Variants in ATAD3B observed in about 807,000 individuals in gnomAD.
ATAD3B encodes the protein ATPase family AAA domain-containing protein 3B.
In ATAD3B, 59 loss-of-function variants were observed where a neutral mutation model predicts 70.2. The ratio of observed to expected loss-of-function variants is 0.84; its 90% CI spans 0.68 to 1.04. ATAD3B has a LOEUF of 1.04. ATAD3B is among the 50% of genes least tolerant of loss of function. The pLI is 0.00. For missense variants in ATAD3B, 961 were observed against 913.4 expected (o/e 1.05, Z -0.67); for synonymous variants, 423 against 388.6 (o/e 1.09, Z -1.04).
intron 1 of ATAD3B, among the ~76,000 whole-genome samples, chr1:1,476,390 G>C (rs900074003): frequency 6.6e-6 from 1 of 151,246 alleles, no homozygotes; most frequent in African/African-American, 2.4e-5. Context: ...CGTGTTTGCT[G>C]CAGTTGACTC....
downstream of ATAD3B, among the ~76,000 whole-genome samples, chr1:1,500,369 G>A (rs543029346): frequency 2.8e-4 from 42 of 149,186 alleles, no homozygotes; most frequent in East Asian, 7.5e-3. Context: ...TGGATAACAC[G>A]GTGAAACCCC....
rs548421990 is a variant in ATAD3B, at chr1:1,488,834, CT to C, written c.1267-361del. Among the ~76,000 whole-genome samples the C allele has an allele frequency of 5.1e-3, 770 of 150,944 alleles. 11 individuals are homozygous for C. The highest frequency in any genetic ancestry group is 9.9e-3 in the Admixed American group (149 of 15,114). On this transcript the variant is annotated intron_variant, in intron 12 of 15. Transcript: ENST00000673477. ...TTAAAGATGTGAGCCCTCAGTCAGG[CT>C]TTTTTTTTAAATGTATTTTTTATTT...
At position 1,486,175 on chromosome 1, in the gene ATAD3B, C is replaced by A; in HGVS notation, c.1029C>A (p.Gly343=). ...IATRNTKKNR[G]LYRHILLYGP... is the part of the protein sequence containing the mutation. ...CCAGGAACACCAAGAAGAACCGGGG[C>A]CTGTACAGGCACATCCTGCTGTATG... Residue 343 remains glycine (G), a synonymous_variant, in exon 10 of 16, where the codon GGC becomes GGA. Coordinates refer to ENST00000673477, the MANE Select transcript of ATAD3B (RefSeq NM_031921.6). The A allele has an allele frequency of 1.2e-6, 2 of 1,613,246 alleles. 1 individual carries two copies. The highest frequency in any genetic ancestry group is 1.7e-6 in the Non-Finnish European group (2 of 1,179,646).
At chr1:1,478,149 A>G in intron 2 of ATAD3B, 1 of 244,106 alleles carries the variant, frequency 4.1e-6, no homozygotes, top group East Asian at 1.0e-4. Flanking sequence ...GGAGCCTGCC[A>G]CCACATCTGG....
At chr1:1,476,862 G>T (rs1399351198) in intron 1 of ATAD3B, among the ~76,000 whole-genome samples, 2 of 148,100 alleles carry the variant, frequency 1.4e-5, no homozygotes, top group East Asian at 2.0e-4. Flanking sequence ...GCTGGAGTGC[G>T]GTGGTGCGAT....
At chr1:1,501,479 T>A (rs1231696004), downstream of ATAD3B, among the ~76,000 whole-genome samples, 1 of 152,104 alleles carries the variant, frequency 6.6e-6, no homozygotes, top group African/African-American at 2.4e-5. Context: ...ATGGTCTCGA[T>A]CTCCTGACTT....
chr1:1,474,577 G>A (rs1639499029), intron 1 of ATAD3B, among the ~76,000 whole-genome samples: 1 of 151,804 alleles, frequency 6.6e-6, no homozygotes, highest in Non-Finnish European at 1.5e-5. Flanking sequence ...TCTGCTCACT[G>A]CAACCTTTGC....
chr1:1,478,328 C>T (rs1639707360), intron 2 of ATAD3B: 1 of 1,182,824 alleles, frequency 8.5e-7, no homozygotes, highest in Non-Finnish European at 1.2e-6. Context: ...TGGGCACGAG[C>T]TCTGCCCTCA....
At position 1,495,627 on chromosome 1, in the gene ATAD3B, C is replaced by T. The variant is rs149788676; in HGVS notation, c.1757C>T (p.Ser586Phe). The T allele has an allele frequency of 7.0e-4, 1,127 of 1,613,076 alleles. 26 individuals carry two copies. The African/African-American group carries it at 0.012, about 18-fold the overall frequency. ...GGGCGCGGGGTCGAGCACCCCCTAT[C>T]CGGAGTCCAAGGCGAGACCCTCACC... ...GPGRGVEHPLSGVQGETLTSW... is the reference protein window; with the variant it reads ...GPGRGVEHPLFGVQGETLTSW... Residue 586 changes from serine to phenylalanine, a missense_variant, in exon 16 of 16, where the codon TCC becomes TTC. Physicochemically the swap from Ser to Phe is radical, Grantham distance 155 (BLOSUM62 -2). Transcript: ENST00000673477.
intron 11 of ATAD3B, among the ~76,000 whole-genome samples, chr1:1,487,589 G>T (rs1295548881): frequency 6.6e-6 from 1 of 151,892 alleles, no homozygotes; most frequent in Non-Finnish European, 1.5e-5. Flanking sequence ...TGCCCCATGT[G>T]TGGTTGGCTG....
chr1:1,494,615 C>T (rs1274744698), intron 15 of ATAD3B, among the ~76,000 whole-genome samples: 2 of 151,980 alleles, frequency 1.3e-5, no homozygotes, highest in Non-Finnish European at 1.5e-5. Context: ...ACGGGCACCA[C>T]GTGGTCATCC....
Position 1,487,659 on chromosome 1 carries a change from T to G in ATAD3B, c.1215-204T>G, listed in dbSNP as rs189964544. Among the ~76,000 whole-genome samples, 84 of 152,040 alleles carry G rather than the reference T, an allele frequency of 5.5e-4. 1 individual carries two copies. Among genetic ancestry groups the G allele is most frequent in the African/African-American group, 1.6e-3 (67 of 41,516 alleles). On this transcript the variant is annotated intron_variant, in intron 11 of 15. Transcript: ENST00000673477. ...GCCCCCTGTGTAGTTGGTTTCCCAC[T>G]GCCTTCTGAGGCTGAGACGTGGTCA... is the stretch of plus-strand genomic sequence containing the variant.
intron 7 of ATAD3B, chr1:1,483,356 G>C (rs1040323409): frequency 3.9e-6 from 1 of 256,034 alleles, no homozygotes; most frequent in Non-Finnish European, 7.7e-6. Context: ...AATCCCAGCT[G>C]CTTGGGAGGC....
chr1:1,509,209 C>G, the ATAD3B span: 2 of 1,612,728 alleles, frequency 1.2e-6, no homozygotes, highest in African/African-American at 1.3e-5. Context: ...CACTAGGCCA[C>G]GGCGTATGCC....
At chr1:1,488,978 G>A (rs1266243351) in intron 12 of ATAD3B, among the ~76,000 whole-genome samples, 1 of 151,852 alleles carries the variant, frequency 6.6e-6, no homozygotes, top group Non-Finnish European at 1.5e-5. Flanking sequence ...GGCCAGGCTG[G>A]TCTCAAACTC....
intron 1 of ATAD3B, among the ~76,000 whole-genome samples, chr1:1,473,214 A>C (rs1639422676): frequency 7.9e-6 from 1 of 126,672 alleles, no homozygotes; most frequent in Non-Finnish European, 1.6e-5. Flanking sequence ...ATCTCCACTC[A>C]CTGCAAGCTC....
At chr1:1,472,896 C>A (rs1202740783) in intron 1 of ATAD3B, among the ~76,000 whole-genome samples, 1 of 148,842 alleles carries the variant, frequency 6.7e-6, no homozygotes, top group African/African-American at 2.5e-5. Context: ...TGCAGTGGTG[C>A]GATTTCGGCT....
chr1:1,478,134 C>G, intron 2 of ATAD3B: 1 of 236,856 alleles, frequency 4.2e-6, no homozygotes, highest in Non-Finnish European at 8.4e-6. Context: ...GCAGCTGGGA[C>G]TACAGGAGCC....
chr1:1,481,196 G>A (rs1386767228), intron 5 of ATAD3B, among the ~76,000 whole-genome samples: 1 of 108,292 alleles, frequency 9.2e-6, no homozygotes, highest in Non-Finnish European at 1.7e-5. Flanking sequence ...TTTTTGAGAC[G>A]GAGTCTCGCT....
Sources: gnomAD v4.1 joint callset for allele counts (sites outside exome capture counted in the v4.1 genomes callset) on GRCh38, gnomAD v4.1.1 for gene constraint, MANE v1.5 for transcripts, NCBI Gene and HGNC (gene_info 2026-07-23, HGNC 2026-07-21) for gene names.